Variants in KDM6A observed in about 807,000 individuals in gnomAD.
KDM6A encodes lysine-specific demethylase 6A.
A neutral mutation model predicts 117.6 loss-of-function variants in KDM6A; 11 were observed. The ratio of observed to expected loss-of-function variants is 0.09; its 90% CI spans 0.06 to 0.15. The LOEUF (loss-of-function observed/expected upper bound fraction) is 0.15, where lower values mean the gene tolerates loss of function less well. Ranked by LOEUF, KDM6A falls within the 10% of genes least tolerant of loss-of-function variation. The probability of loss-of-function intolerance (pLI) is 1.00; values close to 1 mark genes in which losing one functional copy is unlikely to be tolerated. For missense variants in KDM6A, 799 were observed against 1,077.3 expected (o/e 0.74, Z 3.62); for synonymous variants, 384 against 396.1 (o/e 0.97, Z 0.36).
At chrX:44,899,833 T>A (rs1324735732) in intron 2 of KDM6A, among the ~76,000 whole-genome samples, 2 of 111,759 alleles carry the variant, frequency 1.8e-5, no homozygotes, top group Non-Finnish European at 3.8e-5. Context: ...AATTCAATTT[T>A]GAATTATGAA....
At position 44,932,690 on chromosome X, in the gene KDM6A, C is replaced by T. The variant is rs1285304051; in HGVS notation, c.226-28594C>T. 4.5e-5 allele frequency among the ~76,000 whole-genome samples: 5 copies of T among 110,756 alleles called. No homozygotes were observed. The East Asian group carries it at 1.4e-3, about 31-fold the overall frequency. ...TTAATTGTAAATATTTATTAAGCCC[C>T]TTATTCACATGTCTTATCTATGTAT... On this transcript the variant is annotated intron_variant, in intron 2 of 29. Coordinates refer to ENST00000611820, the MANE Select transcript of KDM6A (RefSeq NM_001291415.2).
intron 8 of KDM6A, among the ~76,000 whole-genome samples, chrX:45,045,588 GAAAAAAAAA>G (rs569636939): frequency 0.043 from 1,522 of 35,644 alleles, 17 homozygotes; most frequent in Middle Eastern, 0.096. Context: ...TCTGTCTCAA[GAAAAAAAAA>G]AAAAAAAAAA....
chrX:44,970,760 A>G (rs755356341), intron 3 of KDM6A, among the ~76,000 whole-genome samples: 1 of 112,190 alleles, frequency 8.9e-6, no homozygotes, highest in South Asian at 3.7e-4. Flanking sequence ...ATTACCTCAC[A>G]TAATAGGAAG....
At position 45,022,249 on chromosome X, in the gene KDM6A, A is replaced by C. The variant is rs181835615; in HGVS notation, c.564+1519A>C. On this transcript the variant is annotated intron_variant, in intron 6 of 29. Transcript: ENST00000611820. The stretch of plus-strand genomic sequence containing the variant: ...ATTTAAAATCTCCTTTAATCAAGGG[A>C]AACAGTGTTTCATGGCCGATTGAAA... Among the ~76,000 whole-genome samples, 3 of 112,313 alleles carry C rather than the reference A, an allele frequency of 2.7e-5. No individual in the cohort carries two copies. The Admixed American group carries it at 2.8e-4, about 11-fold the overall frequency.
chrX:44,876,165 C>G (rs2031519545), intron 2 of KDM6A, among the ~76,000 whole-genome samples: 1 of 111,455 alleles, frequency 9.0e-6, no homozygotes, highest in Admixed American at 9.6e-5. Context: ...AGGTGTCCTA[C>G]CTGCTTAGGA....
intron 2 of KDM6A, among the ~76,000 whole-genome samples, chrX:44,924,993 GTTTAT>G (rs1430440183): frequency 3.6e-5 from 4 of 111,873 alleles, no homozygotes; most frequent in Admixed American, 2.8e-4. Context: ...CCAGCCAATA[GTTTAT>G]TTTAAGAAAA....
chrX:45,042,405 A>G (rs1229342810), intron 8 of KDM6A, among the ~76,000 whole-genome samples: 1 of 110,074 alleles, frequency 9.1e-6, no homozygotes, highest in African/African-American at 3.3e-5. Flanking sequence ...CTGTAAGTAT[A>G]TGAAAGGATT....
chrX:45,017,612 A>C (rs1004582910), intron 5 of KDM6A, among the ~76,000 whole-genome samples: 2 of 112,130 alleles, frequency 1.8e-5, no homozygotes, highest in Admixed American at 9.5e-5. Context: ...AAGGAAATGA[A>C]CTTACATGTT....
At chrX:44,897,190 TCTACTGA>T (rs1283483679) in intron 2 of KDM6A, among the ~76,000 whole-genome samples, 1 of 105,750 alleles carries the variant, frequency 9.5e-6, no homozygotes. Flanking sequence ...TTGACATAAT[TCTACTGA>T]TTGGTTCACT....
intron 7 of KDM6A, among the ~76,000 whole-genome samples, chrX:45,036,459 C>G (rs780730981): frequency 9.0e-6 from 1 of 111,708 alleles, no homozygotes; most frequent in Non-Finnish European, 1.9e-5. Context: ...AGGATTTTTA[C>G]TTTCTTAAAT....
At chrX:44,935,872 G>C (rs2036938986) in intron 2 of KDM6A, among the ~76,000 whole-genome samples, 1 of 111,843 alleles carries the variant, frequency 8.9e-6, no homozygotes, top group African/African-American at 3.3e-5. Context: ...CATGCCAGCA[G>C]AGCAATGCCT....
At position 44,922,058 on chromosome X, in the gene KDM6A, TTTTTTTAA is replaced by T. The variant is rs1403926997; in HGVS notation, c.226-39225_226-39218del. Among the ~76,000 whole-genome samples, 194 of 69,147 alleles carry T rather than the reference TTTTTTTAA, an allele frequency of 2.8e-3. 8 individuals carry two copies. Among genetic ancestry groups the T allele is most frequent in the Middle Eastern group, 7.2e-3 (1 of 139 alleles). The allele number at this position is 69,147 out of a possible 115,157, so 60.0% of individuals were successfully genotyped here. A position where few individuals can be genotyped will look rare whatever the true frequency, so the allele number is the denominator to read the frequency against. ...TTTTTTTTTTTTTTTTTTTTTTTTT[TTTTTTTAA>T]GAGACAGAGCCTGTTGCCCAGGCTG... On this transcript the variant is annotated intron_variant, in intron 2 of 29. Transcript: ENST00000611820.
intron 6 of KDM6A, among the ~76,000 whole-genome samples, chrX:45,031,791 A>G (rs1393446678): frequency 8.9e-6 from 1 of 111,824 alleles, no homozygotes; most frequent in Admixed American, 9.5e-5. Flanking sequence ...AAAGTCTTGA[A>G]ACTCAAGTTT....
At chrX:45,023,333 C>T (rs375987040) in intron 6 of KDM6A, among the ~76,000 whole-genome samples, 11 of 111,260 alleles carry the variant, frequency 9.9e-5, no homozygotes, top group African/African-American at 3.3e-4. Flanking sequence ...TAAAATACAG[C>T]GTATTTTCAT....
chrX:44,918,291 G>A (rs2035686385), intron 2 of KDM6A, among the ~76,000 whole-genome samples: 1 of 111,643 alleles, frequency 9.0e-6, no homozygotes, highest in Non-Finnish European at 1.9e-5. Flanking sequence ...AATTATGACA[G>A]CTCAAGTTTC....
At chrX:45,053,739 A>C (rs1231658845) in intron 9 of KDM6A, 90 bp from the exon 10 acceptor site, 1 of 702,991 alleles carries the variant, frequency 1.4e-6, no homozygotes, top group Non-Finnish European at 2.2e-6. Flanking sequence ...AGAAAAGAGT[A>C]CTTTTTTGGT....
At chrX:44,985,683 G>A (rs79126630) in intron 4 of KDM6A, among the ~76,000 whole-genome samples, 38 of 111,563 alleles carry the variant, frequency 3.4e-4, no homozygotes, top group Non-Finnish European at 4.3e-4. Context: ...GGTTTTTGTC[G>A]TTGGTTCTGT....
chrX:45,107,625 T>G, intron 28 of KDM6A, 89 bp downstream of exon 28: 1 of 913,805 alleles, frequency 1.1e-6, no homozygotes, highest in Non-Finnish European at 1.5e-6. Flanking sequence ...AACTTTTTTA[T>G]ACTTTTATGT....
chrX:44,992,187 T>G (rs1040035525), intron 4 of KDM6A, among the ~76,000 whole-genome samples: 1 of 103,106 alleles, frequency 9.7e-6, no homozygotes, highest in Non-Finnish European at 2.0e-5. Context: ...CTAACGAAAT[T>G]TAGCAATACT....
Sources: gnomAD v4.1 joint callset for allele counts (sites outside exome capture counted in the v4.1 genomes callset) on GRCh38, gnomAD v4.1.1 for gene constraint, MANE v1.5 for transcripts, NCBI Gene and HGNC (gene_info 2026-07-23, HGNC 2026-07-21) for gene names.